Variants in ADD3 observed in about 807,000 individuals in gnomAD.
The protein encoded by ADD3 is adducin 3, also known as gamma-adducin.
Under a neutral mutation model 80.2 loss-of-function variants are expected in ADD3, and 25 were observed. The ratio of observed to expected loss-of-function variants is 0.31; its 90% CI spans 0.23 to 0.44. The LOEUF is 0.44. Among genes scored for constraint, ADD3 ranks in the 20% least tolerant of loss-of-function variants. The probability of loss-of-function intolerance (pLI) is 1.00; values close to 1 mark genes in which losing one functional copy is unlikely to be tolerated. For synonymous variants in ADD3, 284 were observed against 289.6 expected (o/e 0.98, Z 0.20); for missense variants, 829 against 847.5 (o/e 0.98, Z 0.27).
At chr10:110,133,077 C>T (rs867126543) in intron 14 of ADD3, among the ~76,000 whole-genome samples, 3 of 152,010 alleles carry the variant, frequency 2.0e-5, no homozygotes, top group Admixed American at 6.6e-5. Flanking sequence ...TACAATGAAA[C>T]TGTTATTTCA....
At chr10:110,065,123 CT>C (rs1843741085) in intron 1 of ADD3, among the ~76,000 whole-genome samples, 1 of 152,092 alleles carries the variant, frequency 6.6e-6, no homozygotes, top group Non-Finnish European at 1.5e-5. Context: ...GTTTTAATTT[CT>C]TTCTTCCTAG....
chr10:110,069,298 G>A (rs1844384876), intron 1 of ADD3, among the ~76,000 whole-genome samples: 1 of 151,928 alleles, frequency 6.6e-6, no homozygotes, highest in African/African-American at 2.4e-5. Context: ...TTATTTATTT[G>A]TACTTCAGTG....
intron 1 of ADD3, among the ~76,000 whole-genome samples, chr10:110,036,923 A>G (rs1424675639): frequency 6.6e-6 from 1 of 152,162 alleles, no homozygotes; most frequent in Non-Finnish European, 1.5e-5. Context: ...TGCTTTAGCC[A>G]CAAAAAATAC....
chr10:110,029,455 C>G (rs574281121), intron 1 of ADD3, among the ~76,000 whole-genome samples: 1 of 152,160 alleles, frequency 6.6e-6, no homozygotes, highest in Non-Finnish European at 1.5e-5. Flanking sequence ...ACAATGTGTT[C>G]TGAATCTGTT....
At chr10:110,002,408 G>C (rs529384429), upstream of ADD3, among the ~76,000 whole-genome samples, 27 of 152,066 alleles carry the variant, frequency 1.8e-4, no homozygotes, top group South Asian at 5.2e-3. Flanking sequence ...TGAGTAGCTG[G>C]GAACACAGGC....
At chr10:110,121,484 C>A (rs1488196880) in intron 8 of ADD3, among the ~76,000 whole-genome samples, 1 of 151,366 alleles carries the variant, frequency 6.6e-6, no homozygotes, top group Non-Finnish European at 1.5e-5. Context: ...ACTCAGTCCT[C>A]AATAAATAAA....
intron 2 of ADD3, among the ~76,000 whole-genome samples, chr10:110,106,577 A>G (rs1849417789): frequency 6.6e-6 from 1 of 152,092 alleles, no homozygotes; most frequent in Admixed American, 6.5e-5. Context: ...AAGTCCATTT[A>G]TGTCCATACT....
In ADD3 at chr10:110,135,037, G is replaced by A. The variant is rs997355811; in HGVS notation, c.*1419G>A. 3.3e-5 allele frequency: 5 copies of A among 152,138 alleles called. No homozygotes were observed. Among genetic ancestry groups the A allele is most frequent in the South Asian group, 2.1e-4 (1 of 4,828 alleles). 9.4% of individuals were successfully genotyped at this position (152,138 alleles called of 1,614,324 possible). A position where few individuals can be genotyped will look rare whatever the true frequency, so the allele number is the denominator to read the frequency against. ...GCAAAATCAATGATCCAGAATGATC[G>A]TGGGTAAAAATAACTCAAAGTGTTT... On this transcript the variant is annotated 3_prime_UTR_variant, in exon 15 of 15. Transcript: ENST00000356080.
intron 1 of ADD3, chr10:110,076,912 A>T (rs189684007): frequency 6.6e-6 from 1 of 152,312 alleles, no homozygotes; most frequent in African/African-American, 2.4e-5. Flanking sequence ...GGCTCTGAAA[A>T]ATGTGTGGCA....
At chr10:110,018,050 C>A (rs1252560169) in intron 1 of ADD3, among the ~76,000 whole-genome samples, 1 of 152,154 alleles carries the variant, frequency 6.6e-6, no homozygotes, top group Non-Finnish European at 1.5e-5. Context: ...TATGTGTCTT[C>A]CAGAAAATCC....
At chr10:110,036,595 A>G (rs979594863) in intron 1 of ADD3, among the ~76,000 whole-genome samples, 9 of 151,602 alleles carry the variant, frequency 5.9e-5, no homozygotes, top group East Asian at 1.9e-4. Context: ...GATGGTCTCT[A>G]TCTACTGTCC....
chr10:110,042,784 A>G (rs1339187628), intron 1 of ADD3, among the ~76,000 whole-genome samples: 2 of 149,484 alleles, frequency 1.3e-5, no homozygotes, highest in East Asian at 2.0e-4. Flanking sequence ...TTCAATTTCT[A>G]TCATCCAGTT....
chr10:110,102,180 A>G (rs185485070), intron 2 of ADD3, among the ~76,000 whole-genome samples: 221 of 152,342 alleles, frequency 1.5e-3, no homozygotes, highest in Middle Eastern at 6.8e-3. Flanking sequence ...AAAAGTCATG[A>G]GAGAGTAAAT....
intron 2 of ADD3, among the ~76,000 whole-genome samples, chr10:110,104,760 C>T (rs1277476594): frequency 1.3e-5 from 2 of 152,074 alleles, no homozygotes; most frequent in East Asian, 3.8e-4. Flanking sequence ...ATCTTTAATC[C>T]TCAAAGCAAT....
At chr10:110,117,718 TAAAA>T (rs888533871) in intron 5 of ADD3, among the ~76,000 whole-genome samples, 3 of 151,132 alleles carry the variant, frequency 2.0e-5, no homozygotes, top group Admixed American at 1.3e-4. Context: ...AAAAATTGTG[TAAAA>T]AAAACACACA....
rs1383842773 is a variant in ADD3, at chr10:110,027,957, G to C, written c.-30+19658G>C. Among the ~76,000 whole-genome samples the C allele has an allele frequency of 3.9e-5, 6 of 152,254 alleles. No individual in the cohort carries two copies. In the East Asian group the frequency reaches 9.6e-4, roughly 24 times the overall value. The stretch of plus-strand genomic sequence containing the variant: ...GAGGAGAGCTTGGGTAGAAAAGGTT[G>C]TGGGGGGAAGAAAAGTTGGGACAGG... On this transcript the variant is annotated intron_variant, in intron 1 of 14. Coordinates refer to ENST00000356080, the MANE Select transcript of ADD3 (RefSeq NM_016824.5).
intron 1 of ADD3, among the ~76,000 whole-genome samples, chr10:110,092,998 A>G (rs1449988878): frequency 6.6e-6 from 1 of 152,120 alleles, no homozygotes; most frequent in Non-Finnish European, 1.5e-5. Flanking sequence ...AGCTAGGATT[A>G]CAGACACATG....
chr10:110,046,458 C>T (rs1856924208), intron 1 of ADD3, among the ~76,000 whole-genome samples: 2 of 151,438 alleles, frequency 1.3e-5, no homozygotes, highest in Admixed American at 6.6e-5. Flanking sequence ...GGCTGGTGCC[C>T]CTAACCTCCC....
At chr10:110,076,883 G>A (rs1330027911) in intron 1 of ADD3, 1 of 152,176 alleles carries the variant, frequency 6.6e-6, no homozygotes, top group Non-Finnish European at 1.5e-5. Flanking sequence ...GAGGACTAAT[G>A]AATTAATTGT....
Sources: allele counts gnomAD v4.1 joint callset (sites outside exome capture counted in the v4.1 genomes callset), GRCh38; gene constraint gnomAD v4.1.1; transcripts MANE v1.5; gene names NCBI Gene and HGNC (gene_info 2026-07-23, HGNC 2026-07-21).